Variants in DCUN1D1 observed in about 807,000 individuals in gnomAD.
The protein encoded by DCUN1D1 is defective in cullin neddylation 1 domain containing 1.
In DCUN1D1, 3 loss-of-function variants were observed where a neutral mutation model predicts 39.0. The observed-to-expected ratio is 0.08, with a 90% CI of 0.04 to 0.20. The LOEUF (loss-of-function observed/expected upper bound fraction) is 0.20. Among genes scored for constraint, DCUN1D1 ranks in the 10% least tolerant of loss-of-function variants. The pLI, the probability that DCUN1D1 is intolerant of heterozygous loss-of-function variation, is 1.00. For missense variants in DCUN1D1, 158 were observed against 302.4 expected (o/e 0.52, Z 3.54); for synonymous variants, 82 against 96.3 (o/e 0.85, Z 0.87).
At chr3:182,963,209 G>A (rs73883971) in intron 3 of DCUN1D1, among the ~76,000 whole-genome samples, 93 of 152,294 alleles carry the variant, frequency 6.1e-4, no homozygotes, top group African/African-American at 2.1e-3. Context: ...CTAAAATGGG[G>A]ATAGAAAACT....
upstream of DCUN1D1, among the ~76,000 whole-genome samples, chr3:182,981,184 G>A (rs1039893681): frequency 3.9e-5 from 6 of 152,098 alleles, no homozygotes; most frequent in Non-Finnish European, 5.9e-5. Context: ...TCTACTGGGA[G>A]ACAGTTGGGG....
chr3:182,952,747 T>C (rs1335402183), intron 4 of DCUN1D1, among the ~76,000 whole-genome samples: 2 of 152,188 alleles, frequency 1.3e-5, no homozygotes, highest in Non-Finnish European at 2.9e-5. Context: ...AAAGGCTCCT[T>C]CCTTCCTCAT....
At chr3:182,959,632 G>T (rs577586893) in intron 4 of DCUN1D1, among the ~76,000 whole-genome samples, 1 of 150,852 alleles carries the variant, frequency 6.6e-6, no homozygotes, top group East Asian at 2.0e-4. Flanking sequence ...CTATGTATTT[G>T]GCACGGCACA....
chr3:182,945,659 T>C (rs1002804399), intron 6 of DCUN1D1, among the ~76,000 whole-genome samples: 1 of 152,190 alleles, frequency 6.6e-6, no homozygotes, highest in South Asian at 2.1e-4. Flanking sequence ...AATGATAGCA[T>C]GCTGCCAGTG....
At chr3:182,980,154 C>T (rs1480038806) in intron 1 of DCUN1D1, 4 of 651,852 alleles carry the variant, frequency 6.1e-6, no homozygotes, top group African/African-American at 5.9e-5. Flanking sequence ...TGCCCCCTCC[C>T]CTCCCCCCGC....
upstream of DCUN1D1, chr3:182,980,635 C>G (rs1201835615): frequency 1.0e-5 from 10 of 999,086 alleles, no homozygotes; most frequent in Non-Finnish European, 1.2e-5. Flanking sequence ...GAGGCAGCCC[C>G]GGACCTCGGG....
chr3:182,970,494 C>T (rs2055762), intron 1 of DCUN1D1, among the ~76,000 whole-genome samples: 110,608 of 152,028 alleles, frequency 0.73, 41,044 homozygotes, highest in Non-Finnish European at 0.77. Context: ...TTATTATTTC[C>T]ATTATCTTGA....
rs1299516879 is a variant in DCUN1D1 at position 182,975,862 on chromosome 3, A to AC, written c.3+4624_3+4625insG. Among the ~76,000 whole-genome samples the AC allele has an allele frequency of 1.6e-3, 239 of 151,118 alleles. 1 individual carries two copies. Among genetic ancestry groups the AC allele is most frequent in the African/African-American group, 5.6e-3 (229 of 41,250 alleles). On this transcript the variant is annotated intron_variant, in intron 1 of 6. Coordinates refer to ENST00000292782, the MANE Select transcript of DCUN1D1 (RefSeq NM_020640.4). Reference sequence around the variant, plus strand: ...ATTCCCAGATATGCTAAAAAAAAAAAAAAAAAAAAAAAAGTAGTAATAATG... The same window carrying AC: ...ATTCCCAGATATGCTAAAAAAAAAAACAAAAAAAAAAAAAGTAGTAATAATG...
At position 182,938,241 on chromosome 3, in the gene DCUN1D1, ATT is replaced by A. The variant is rs1725979855; in HGVS notation, c.*6851_*6852del. On this transcript the variant is annotated 3_prime_UTR_variant, in exon 7 of 7. Transcript: ENST00000292782. ...AGAAATTTAAAGTGCTAAAGCAATC[ATT>A]GTTTTTTCAAAAAAATGAATTTGAA... is the stretch of plus-strand genomic sequence containing the variant. 1 of 152,074 alleles carries A rather than the reference ATT, an allele frequency of 6.6e-6. No homozygotes were observed. The highest frequency in any genetic ancestry group is 2.1e-4 in the South Asian group (1 of 4,824). The allele number at this position is 152,074 out of a possible 1,614,324, so 9.4% of individuals were successfully genotyped here.
chr3:182,956,681 A>T (rs1346283807), intron 4 of DCUN1D1, among the ~76,000 whole-genome samples: 7 of 152,252 alleles, frequency 4.6e-5, no homozygotes, highest in African/African-American at 1.7e-4. Flanking sequence ...TGTTCAAATC[A>T]TTTAAATCAA....
At chr3:182,945,921 G>A (rs1238170411) in intron 6 of DCUN1D1, among the ~76,000 whole-genome samples, 2 of 152,078 alleles carry the variant, frequency 1.3e-5, no homozygotes, top group South Asian at 2.1e-4. Flanking sequence ...TCACTTTGCA[G>A]GGAAGATTAT....
At chr3:182,976,440 TAC>T (rs1408876815) in intron 1 of DCUN1D1, among the ~76,000 whole-genome samples, 1 of 93,076 alleles carries the variant, frequency 1.1e-5, no homozygotes, top group Non-Finnish European at 2.2e-5. Context: ...TACATATACA[TAC>T]ATACACACAC....
chr3:182,939,804 T>G lies in DCUN1D1; in HGVS notation c.*5290A>C, dbSNP rs964474535. 2.0e-5 allele frequency: 3 copies of G among 152,188 alleles called. No individual in the cohort carries two copies. Among genetic ancestry groups the G allele is most frequent in the Non-Finnish European group, 4.4e-5 (3 of 68,028 alleles). The allele number at this position is 152,188 out of a possible 1,614,324, so 9.4% of individuals were successfully genotyped here. A position where few individuals can be genotyped will look rare whatever the true frequency, so the allele number is the denominator to read the frequency against. On this transcript the variant is annotated 3_prime_UTR_variant, in exon 7 of 7. Transcript: ENST00000292782. Reference sequence around the variant, plus strand: ...TTTACTAAAAACAATTAATTGTACATGTACAATGGGTGAATTTTACAGTGT... The same window carrying G: ...TTTACTAAAAACAATTAATTGTACAGGTACAATGGGTGAATTTTACAGTGT...
intron 1 of DCUN1D1, among the ~76,000 whole-genome samples, chr3:182,967,737 A>C (rs1445183593): frequency 1.3e-5 from 2 of 152,232 alleles, no homozygotes; most frequent in Admixed American, 1.3e-4. Context: ...TCCCTTTTGA[A>C]AACTATCTCC....
intron 1 of DCUN1D1, among the ~76,000 whole-genome samples, chr3:182,974,733 T>C (rs1273422611): frequency 6.6e-6 from 1 of 150,714 alleles, no homozygotes; most frequent in African/African-American, 2.4e-5. Context: ...CTTATCTCTG[T>C]GTTGAGTGAT....
intron 1 of DCUN1D1, among the ~76,000 whole-genome samples, chr3:182,975,293 C>T (rs949393973): frequency 2.6e-5 from 4 of 151,834 alleles, no homozygotes; most frequent in African/African-American, 7.3e-5. Context: ...TCTCCCGCCT[C>T]AGCCTCCTGA....
intron 4 of DCUN1D1, among the ~76,000 whole-genome samples, chr3:182,948,252 CA>C (rs1345876695): frequency 6.6e-6 from 1 of 152,150 alleles, no homozygotes; most frequent in Non-Finnish European, 1.5e-5. Context: ...ATCCTGACCA[CA>C]AAGAGATCAT....
intron 2 of DCUN1D1, among the ~76,000 whole-genome samples, chr3:182,964,892 G>A (rs577786247): frequency 6.6e-6 from 1 of 152,166 alleles, no homozygotes; most frequent in East Asian, 1.9e-4. Context: ...GACCACCTCG[G>A]CCTCCCAAAG....
intron 1 of DCUN1D1, among the ~76,000 whole-genome samples, chr3:182,966,054 C>T (rs766666636): frequency 2.6e-5 from 4 of 151,974 alleles, no homozygotes; most frequent in Non-Finnish European, 5.9e-5. Flanking sequence ...GAAGGGAAGC[C>T]GCGCTACCCT....
Sources: allele counts gnomAD v4.1 joint callset (sites outside exome capture counted in the v4.1 genomes callset), GRCh38; gene constraint gnomAD v4.1.1; transcripts MANE v1.5; gene names NCBI Gene and HGNC (gene_info 2026-07-23, HGNC 2026-07-21).